CPQ: variants seen among roughly 807,000 people sequenced by gnomAD.
CPQ encodes carboxypeptidase Q.
Under a neutral mutation model 45.7 loss-of-function variants are expected in CPQ, and 37 were observed. The observed-to-expected ratio is 0.81, with a 90% CI of 0.62 to 1.07. The LOEUF (loss-of-function observed/expected upper bound fraction) is 1.07. CPQ is among the 50% of genes least tolerant of loss of function. CPQ has a pLI of 0.00. For synonymous variants in CPQ, 186 were observed against 205.8 expected, an observed-to-expected ratio of 0.90 and a Z score of 0.82; for missense variants, 537 against 572.9, an observed-to-expected ratio of 0.94 and a Z score of 0.64.
chr8:96,972,075 C>T (rs535936739), intron 5 of CPQ, among the ~76,000 whole-genome samples: 2 of 152,338 alleles, frequency 1.3e-5, no homozygotes, highest in East Asian at 1.9e-4. Context: ...AGTCTGTTTG[C>T]TTTCTCAAAG....
chr8:96,746,452 A>T (rs899309566), intron 1 of CPQ, among the ~76,000 whole-genome samples: 3 of 152,208 alleles, frequency 2.0e-5, no homozygotes, highest in African/African-American at 7.2e-5. Flanking sequence ...GAAGGCCAAG[A>T]GCCCGTAAGA....
At chr8:96,834,260 A>G (rs918177892) in intron 2 of CPQ, among the ~76,000 whole-genome samples, 3 of 152,246 alleles carry the variant, frequency 2.0e-5, no homozygotes, top group African/African-American at 7.2e-5. Flanking sequence ...CTCTTCTAAC[A>G]AAGACAACAG....
intron 7 of CPQ, among the ~76,000 whole-genome samples, chr8:97,137,887 CAA>C (rs34317563): frequency 7.0e-6 from 1 of 141,920 alleles, no homozygotes; most frequent in Non-Finnish European, 1.6e-5. Flanking sequence ...GACTCCGTCT[CAA>C]AAAAAAAAAA....
Position 96,724,602 on chromosome 8 carries a change from T to C in CPQ, c.-34-60262T>C, listed in dbSNP as rs374866066. 5.3e-5 allele frequency among the ~76,000 whole-genome samples: 8 copies of C among 151,820 alleles called. No individual in the cohort carries two copies. The East Asian group carries it at 9.6e-4, about 18-fold the overall frequency. On this transcript the variant is annotated intron_variant, in intron 1 of 7. Coordinates refer to ENST00000220763, the MANE Select transcript of CPQ (RefSeq NM_016134.4). ...CACAAAACACTGCTGAAAGAAATCA[T>C]AGATAACATAAGCATATGAAAAAGC... is the stretch of plus-strand genomic sequence containing the variant.
intron 7 of CPQ, among the ~76,000 whole-genome samples, chr8:97,073,623 G>A (rs370945827): frequency 2.0e-5 from 3 of 152,168 alleles, no homozygotes; most frequent in East Asian, 3.9e-4. Flanking sequence ...AGCATGTGTT[G>A]AGTGCCTGCT....
intron 3 of CPQ, among the ~76,000 whole-genome samples, chr8:96,857,275 G>A (rs1188117988): frequency 2.0e-5 from 3 of 152,198 alleles, no homozygotes; most frequent in African/African-American, 7.2e-5. Flanking sequence ...GTGCCAGAAA[G>A]TAGTGCCCAG....
chr8:96,836,151 G>A (rs1811527392), intron 3 of CPQ, among the ~76,000 whole-genome samples: 3 of 152,080 alleles, frequency 2.0e-5, no homozygotes, highest in Admixed American at 6.6e-5. Flanking sequence ...TTGGGTCTCC[G>A]GATTGGATTT....
chr8:96,896,696 G>T (rs1423621706), intron 4 of CPQ, among the ~76,000 whole-genome samples: 5 of 151,932 alleles, frequency 3.3e-5, no homozygotes, highest in Admixed American at 2.6e-4. Flanking sequence ...ACTTCCATAG[G>T]TCTCTTTTTT....
chr8:97,030,450 T>A (rs1809881854), intron 6 of CPQ, among the ~76,000 whole-genome samples: 1 of 152,110 alleles, frequency 6.6e-6, no homozygotes, highest in African/African-American at 2.4e-5. Context: ...ATGAATTTGG[T>A]CACTGAATAC....
Position 96,784,767 on chromosome 8 carries a change from G to A in CPQ, c.-34-97G>A, listed in dbSNP as rs1040977007. 4.8e-6 allele frequency: 4 copies of A among 836,224 alleles called. No homozygotes were observed. In the African/African-American group the frequency reaches 5.2e-5, roughly 11 times the overall value. 51.8% of individuals were successfully genotyped at this position (836,224 alleles called of 1,614,324 possible). A position where few individuals can be genotyped will look rare whatever the true frequency, so the allele number is the denominator to read the frequency against. ...GTGGATGTTGGGCAGTGGTTGGGAA[G>A]GGAAGGGGAATGCTGCTTGAAAAGC... On this transcript the variant is annotated intron_variant, in intron 1 of 7. Transcript: ENST00000220763.
rs545947702 is a variant in CPQ, at chr8:97,103,870, G to A, written c.1255+37660G>A. On this transcript the variant is annotated intron_variant, in intron 7 of 7. Coordinates refer to ENST00000220763, the MANE Select transcript of CPQ (RefSeq NM_016134.4). ...AAGCTTTCATCATTGGCTGAGGACT[G>A]ATCCCTGGCACATTATCTTCCGCAC... 6.6e-5 allele frequency among the ~76,000 whole-genome samples: 10 copies of A among 152,308 alleles called. No homozygotes were observed. In the South Asian group the frequency reaches 1.7e-3, roughly 25 times the overall value.
chr8:97,015,298 A>G (rs1809559627), intron 5 of CPQ, among the ~76,000 whole-genome samples: 1 of 152,152 alleles, frequency 6.6e-6, no homozygotes, highest in Non-Finnish European at 1.5e-5. Context: ...ATAATGATAG[A>G]GAAAAAGAAA....
chr8:97,060,582 T>C (rs1395700882), intron 6 of CPQ, among the ~76,000 whole-genome samples: 1 of 152,178 alleles, frequency 6.6e-6, no homozygotes, highest in Non-Finnish European at 1.5e-5. Flanking sequence ...TCTGAGTTTA[T>C]CATTGAGCTG....
rs1273239692 is a variant in CPQ at position 96,782,511 on chromosome 8, C to G, written c.-34-2353C>G. Among the ~76,000 whole-genome samples, 3 of 152,180 alleles carry G rather than the reference C, an allele frequency of 2.0e-5. No homozygotes were observed. In the East Asian group the frequency reaches 5.8e-4, roughly 29 times the overall value. ...AAGATTCTAGCTTGCCTCAGAGATC[C>G]CTGAAGTGCCTTTGCGGTCATTTTC... On this transcript the variant is annotated intron_variant, in intron 1 of 7. Coordinates refer to ENST00000220763, the MANE Select transcript of CPQ (RefSeq NM_016134.4).
chr8:96,892,540 GT>G (rs1253878256), intron 4 of CPQ, among the ~76,000 whole-genome samples: 2 of 152,144 alleles, frequency 1.3e-5, no homozygotes, highest in African/African-American at 4.8e-5. Context: ...GGGTTAAAGA[GT>G]TTTAAGCTGG....
chr8:96,992,067 G>A (rs1349972965), intron 5 of CPQ, among the ~76,000 whole-genome samples: 1 of 152,180 alleles, frequency 6.6e-6, no homozygotes, highest in Non-Finnish European at 1.5e-5. Flanking sequence ...TGATGGGTGT[G>A]TGGCAGCAAT....
intron 4 of CPQ, among the ~76,000 whole-genome samples, chr8:96,954,829 G>C (rs897272056): frequency 2.0e-5 from 3 of 151,860 alleles, no homozygotes; most frequent in Non-Finnish European, 4.4e-5. Flanking sequence ...TCCCACCTAT[G>C]AGTGAGAACA....
intron 5 of CPQ, among the ~76,000 whole-genome samples, chr8:97,016,435 G>A (rs1159205739): frequency 6.6e-6 from 1 of 152,104 alleles, no homozygotes; most frequent in East Asian, 1.9e-4. Flanking sequence ...TGAAAAGGTG[G>A]TCCCTTTTAT....
intron 7 of CPQ, among the ~76,000 whole-genome samples, chr8:97,072,873 T>C (rs765760827): frequency 3.3e-5 from 5 of 152,314 alleles, no homozygotes; most frequent in African/African-American, 7.2e-5. Context: ...TTGTGATCAA[T>C]TGTGAATTCC....
Sources: gnomAD v4.1 joint callset for allele counts (sites outside exome capture counted in the v4.1 genomes callset) on GRCh38, gnomAD v4.1.1 for gene constraint, MANE v1.5 for transcripts, NCBI Gene and HGNC (gene_info 2026-07-23, HGNC 2026-07-21) for gene names.